FRK: variants seen among roughly 807,000 people sequenced by gnomAD.
The protein encoded by FRK is fyn related Src family tyrosine kinase, also known as tyrosine-protein kinase FRK.
FRK carries 51 observed loss-of-function variants against 56.4 expected under a neutral mutation model. The observed-to-expected ratio is 0.90, with a 90% confidence interval of 0.72 to 1.14. FRK has a LOEUF of 1.14. Ranked by LOEUF, FRK falls within the 50% of genes most tolerant of loss-of-function variation. FRK has a pLI of 0.00. For synonymous variants in FRK, 245 were observed against 217.9 expected, an observed-to-expected ratio of 1.12 and a Z score of -1.10; for missense variants, 570 against 601.4, an observed-to-expected ratio of 0.95 and a Z score of 0.55.
the FRK span, among the ~76,000 whole-genome samples, chr6:116,067,799 T>C: frequency 6.6e-6 from 1 of 152,210 alleles, no homozygotes; most frequent in Non-Finnish European, 1.5e-5. Flanking sequence ...GGCTGAATGA[T>C]AATGTCTGGC....
upstream of FRK, among the ~76,000 whole-genome samples, chr6:116,062,444 T>A (rs1438328437): frequency 6.7e-6 from 1 of 148,234 alleles, no homozygotes; most frequent in Non-Finnish European, 1.5e-5. Flanking sequence ...CCCTGAGACA[T>A]CTACATGATC....
At chr6:116,096,280 A>G in the FRK span, among the ~76,000 whole-genome samples, 12 of 152,310 alleles carry the variant, frequency 7.9e-5, no homozygotes, top group Admixed American at 6.5e-4. Flanking sequence ...CCAATTCCCA[A>G]CAGCAGTTGG....
chr6:116,073,853 C>T, the FRK span, among the ~76,000 whole-genome samples: 1 of 152,152 alleles, frequency 6.6e-6, no homozygotes, highest in Non-Finnish European at 1.5e-5. Flanking sequence ...GACTATAATG[C>T]CAAAGACTGC....
chr6:116,049,637 G>T lies in FRK; in HGVS notation c.344+10331C>A, dbSNP rs987095295. Among the ~76,000 whole-genome samples, 18 of 152,140 alleles carry T rather than the reference G, an allele frequency of 1.2e-4. 1 individual carries two copies. Among genetic ancestry groups the T allele is most frequent in the African/African-American group, 4.3e-4 (18 of 41,426 alleles). On this transcript the variant is annotated intron_variant, in intron 1 of 7. Coordinates refer to ENST00000606080, the MANE Select transcript of FRK (RefSeq NM_002031.3). ...TCCATCATTTACTAGTTGTGTGGAC[G>T]TAAGCAGTTTACTTAAACTCTTTCA... is the stretch of plus-strand genomic sequence containing the variant.
chr6:116,095,085 A>T, the FRK span, among the ~76,000 whole-genome samples: 1 of 152,272 alleles, frequency 6.6e-6, no homozygotes, highest in South Asian at 2.1e-4. Context: ...GACAACCCGT[A>T]GCCTTTCTAT....
rs1772131117 is a variant in FRK at position 115,940,195 on chromosome 6, T to A, written c.*2219A>T. ...ACACCACACATCTACAACCATCTGA[T>A]CTTTGACAAACCTTACAAAAACAAC... On this transcript the variant is annotated 3_prime_UTR_variant, in exon 8 of 8. Transcript: ENST00000606080. 6.6e-6 allele frequency: 1 copy of A among 152,186 alleles called. No individual in the cohort carries two copies. 9.4% of individuals were successfully genotyped at this position (152,186 alleles called of 1,614,324 possible). A position where few individuals can be genotyped will look rare whatever the true frequency, so the allele number is the denominator to read the frequency against.
At chr6:116,039,399 C>A in intron 1 of FRK, 2 of 1,570,688 alleles carry the variant, frequency 1.3e-6, no homozygotes, top group African/African-American at 1.3e-5. Flanking sequence ...GGGCAACCTG[C>A]AAGGAGCTGG....
the FRK span, among the ~76,000 whole-genome samples, chr6:116,083,333 A>T: frequency 6.6e-6 from 1 of 152,160 alleles, no homozygotes; most frequent in Admixed American, 6.5e-5. Context: ...TTTTCATCAA[A>T]GGGGAGCAGA....
At chr6:116,005,600 G>A (rs1582704491) in intron 1 of FRK, among the ~76,000 whole-genome samples, 1 of 152,320 alleles carries the variant, frequency 6.6e-6, no homozygotes, top group Middle Eastern at 3.4e-3. Context: ...GCTGCATTGA[G>A]TCAGTATCAG....
the FRK span, among the ~76,000 whole-genome samples, chr6:116,093,026 T>C: frequency 6.6e-6 from 1 of 152,176 alleles, no homozygotes; most frequent in Non-Finnish European, 1.5e-5. Context: ...AGCTTGACCT[T>C]TGCTGTAAGA....
intron 2 of FRK, among the ~76,000 whole-genome samples, chr6:115,994,244 A>G (rs1380257474): frequency 1.3e-5 from 2 of 150,748 alleles, no homozygotes; most frequent in African/African-American, 2.4e-5. Context: ...CCAGTGAAAC[A>G]CTATTGGCTT....
upstream of FRK, among the ~76,000 whole-genome samples, chr6:116,064,638 G>C (rs1318382274): frequency 2.6e-5 from 4 of 151,964 alleles, no homozygotes; most frequent in Non-Finnish European, 4.4e-5. Flanking sequence ...CTCTCTTATT[G>C]CTCCCTGAAT....
chr6:116,030,567 G>T (rs1776268998), intron 1 of FRK, among the ~76,000 whole-genome samples: 2 of 152,022 alleles, frequency 1.3e-5, no homozygotes, highest in African/African-American at 4.8e-5. Context: ...GGAAGAGCTG[G>T]AGATCTAATA....
chr6:116,001,189 C>T (rs977744098), intron 2 of FRK, among the ~76,000 whole-genome samples: 1 of 150,754 alleles, frequency 6.6e-6, no homozygotes, highest in Non-Finnish European at 1.5e-5. Context: ...AGTGAGCCGA[C>T]ATGGCGCCAC....
At chr6:116,003,500 A>T (rs1387325221) in intron 2 of FRK, among the ~76,000 whole-genome samples, 1 of 152,230 alleles carries the variant, frequency 6.6e-6, no homozygotes, top group East Asian at 1.9e-4. Flanking sequence ...AGCAAAGAGA[A>T]TTGAAATGCC....
At chr6:116,025,020 T>C (rs912614146) in intron 1 of FRK, among the ~76,000 whole-genome samples, 4 of 152,192 alleles carry the variant, frequency 2.6e-5, no homozygotes, top group East Asian at 1.9e-4. Context: ...TGGCCAGTGA[T>C]GGTGAGCATT....
rs1175946270 is a variant in FRK at position 116,058,922 on chromosome 6, A to AG, written c.344+1045_344+1046insC. On this transcript the variant is annotated intron_variant, in intron 1 of 7. Coordinates refer to ENST00000606080, the MANE Select transcript of FRK (RefSeq NM_002031.3). Reference sequence around the variant, plus strand: ...CGAGACTCCGTCTCAAAAAAAAAAAAAAAAAAAAATGAGTACATTTTTTGA... The same window carrying AG: ...CGAGACTCCGTCTCAAAAAAAAAAAAGAAAAAAAAATGAGTACATTTTTTGA... 2.0e-5 allele frequency among the ~76,000 whole-genome samples: 3 copies of AG among 152,002 alleles called. No homozygotes were observed. The East Asian group carries it at 5.8e-4, about 29-fold the overall frequency.
In FRK at chr6:115,968,670, C is replaced by T. The variant is rs1272690556; in HGVS notation, c.536G>A (p.Arg179Gln). ...RLDEGGFFLTRRRIFSTLNEF... is the reference protein window; with the variant it reads ...RLDEGGFFLTQRRIFSTLNEF... The stretch of plus-strand genomic sequence containing the variant: ...GTTCAGTGTTGAAAAGATTCTTCTT[C>T]GCGTGAGAAAAAATCCCCCTTCATC... Residue 179 changes from arginine to glutamine, a missense_variant, in exon 3 of 8, where the codon CGA becomes CAA. Arg to Gln is a conservative substitution (Grantham distance 43). Transcript: ENST00000606080. The T allele has an allele frequency of 7.4e-6, 12 of 1,613,616 alleles. No homozygotes were observed. The highest frequency in any genetic ancestry group is 7.6e-6 in the Non-Finnish European group (9 of 1,179,814).
At chr6:115,987,129 G>A (rs1179333283) in intron 2 of FRK, among the ~76,000 whole-genome samples, 1 of 152,032 alleles carries the variant, frequency 6.6e-6, no homozygotes. Context: ...TCAGGCTTGA[G>A]TGCTAATGAC....
Sources: allele counts gnomAD v4.1 joint callset (sites outside exome capture counted in the v4.1 genomes callset), GRCh38; gene constraint gnomAD v4.1.1; transcripts MANE v1.5; gene names NCBI Gene and HGNC (gene_info 2026-07-23, HGNC 2026-07-21).